Variants in INVS observed in about 807,000 individuals in gnomAD.
INVS encodes inversin.
A neutral mutation model predicts 108.8 loss-of-function variants in INVS; 86 were observed. The ratio of observed to expected loss-of-function variants is 0.79; its 90% CI spans 0.66 to 0.95. The LOEUF (loss-of-function observed/expected upper bound fraction) is 0.95. INVS is among the 40% of genes least tolerant of loss of function. The pLI is 0.00. For synonymous variants in INVS, 455 were observed against 473.5 expected (o/e 0.96, Z 0.51); for missense variants, 1,169 against 1,297.4 (o/e 0.90, Z 1.52).
At chr9:100,261,534 T>G (rs1832622690) in intron 10 of INVS, among the ~76,000 whole-genome samples, 2 of 152,170 alleles carry the variant, frequency 1.3e-5, no homozygotes, top group African/African-American at 4.8e-5. Flanking sequence ...CCCAAAGTGC[T>G]GGGATTACAG....
intron 13 of INVS, among the ~76,000 whole-genome samples, chr9:100,284,948 A>G (rs1588145654): frequency 6.6e-6 from 1 of 152,204 alleles, no homozygotes; most frequent in Admixed American, 6.5e-5. Flanking sequence ...TTTTGTTTCA[A>G]TCATGAAATA....
chr9:100,141,018 T>C (rs894294123), intron 3 of INVS, among the ~76,000 whole-genome samples: 2 of 152,118 alleles, frequency 1.3e-5, no homozygotes, highest in African/African-American at 4.8e-5. Context: ...GAGTGGCAGT[T>C]TGGGGATAGC....
In INVS at chr9:100,138,700, CT is replaced by C. The variant is rs36096327; in HGVS notation, c.273+12169del. On this transcript the variant is annotated intron_variant, in intron 3 of 16. Transcript: ENST00000262457. ...TTAAATTATTTTTATTGATGGTTTC[CT>C]TTTTTTTTTTTTTTTTTCCTTTCAA... 3.4e-3 allele frequency among the ~76,000 whole-genome samples: 423 copies of C among 124,904 alleles called. 1 individual carries two copies. The highest frequency in any genetic ancestry group is 9.4e-3 in the African/African-American group (320 of 34,014). The allele number at this position is 124,904 out of a possible 152,430, so 81.9% of individuals were successfully genotyped here.
intron 3 of INVS, among the ~76,000 whole-genome samples, chr9:100,201,317 T>C (rs1352421096): frequency 1.3e-5 from 2 of 152,208 alleles, no homozygotes; most frequent in Non-Finnish European, 2.9e-5. Flanking sequence ...AAATGAAACA[T>C]TATCTTTATT....
intron 11 of INVS, among the ~76,000 whole-genome samples, chr9:100,267,324 G>C (rs1274023203): frequency 6.6e-6 from 1 of 152,166 alleles, no homozygotes; most frequent in Non-Finnish European, 1.5e-5. Context: ...GATAAAAAGA[G>C]ACAGTGGCAA....
At chr9:100,211,616 G>C (rs1453839410) in intron 3 of INVS, among the ~76,000 whole-genome samples, 1 of 152,176 alleles carries the variant, frequency 6.6e-6, no homozygotes, top group African/African-American at 2.4e-5. Context: ...TTAGTGGATG[G>C]AGCCAAGGCT....
At chr9:100,122,579 T>TG in intron 2 of INVS, among the ~76,000 whole-genome samples, 1 of 124,328 alleles carries the variant, frequency 8.0e-6, no homozygotes, top group Non-Finnish European at 1.7e-5. Flanking sequence ...TGAGTTTCTT[T>TG]TTTTTTTTTT....
chr9:100,100,364 CAG>C (rs1826787627), intron 1 of INVS, among the ~76,000 whole-genome samples: 2 of 151,004 alleles, frequency 1.3e-5, no homozygotes, highest in Non-Finnish European at 1.5e-5. Flanking sequence ...ACGCCCCTGA[CAG>C]AGCCCAAAGA....
At chr9:100,131,910 A>C (rs1828066172) in intron 3 of INVS, 1 of 982,942 alleles carries the variant, frequency 1.0e-6, no homozygotes, top group South Asian at 4.7e-5. Flanking sequence ...ATTTACAAAA[A>C]GGAGAAAGAA....
intron 10 of INVS, 29 bp downstream of exon 10, chr9:100,253,165 T>G (rs753380957): frequency 6.5e-7 from 1 of 1,538,422 alleles, no homozygotes; most frequent in African/African-American, 1.4e-5. Context: ...CTATATTGTT[T>G]GCTCCAAAGA....
Position 100,300,851 on chromosome 9 carries a change from C to T in INVS, c.*177C>T, listed in dbSNP as rs1300862601. ...TCAGAATGTTTCCTTTCTGCTCTTA[C>T]ACAGCATTGTTTTGTCAATCAACAC... On this transcript the variant is annotated 3_prime_UTR_variant, in exon 17 of 17. Coordinates refer to ENST00000262457, the MANE Select transcript of INVS (RefSeq NM_014425.5). The T allele has an allele frequency of 7.8e-6, 5 of 642,926 alleles. No homozygotes were observed. Among genetic ancestry groups the T allele is most frequent in the Non-Finnish European group, 8.4e-6 (3 of 358,186 alleles). 39.8% of individuals were successfully genotyped at this position (642,926 alleles called of 1,614,324 possible).
At chr9:100,162,055 A>C (rs1829208296) in intron 3 of INVS, among the ~76,000 whole-genome samples, 1 of 152,192 alleles carries the variant, frequency 6.6e-6, no homozygotes, top group Non-Finnish European at 1.5e-5. Context: ...GACATGAAGC[A>C]CCATGTAGGC....
At chr9:100,209,314 T>TCATA (rs753364809) in intron 3 of INVS, among the ~76,000 whole-genome samples, 5 of 152,184 alleles carry the variant, frequency 3.3e-5, no homozygotes, top group Non-Finnish European at 5.9e-5. Context: ...AGAATTAGAA[T>TCATA]CATAGAGTCA....
At chr9:100,282,408 G>A (rs1006148447) in intron 12 of INVS, among the ~76,000 whole-genome samples, 1 of 152,166 alleles carries the variant, frequency 6.6e-6, no homozygotes, top group African/African-American at 2.4e-5. Context: ...CATGTTCTCG[G>A]TAATGGGACT....
At chr9:100,136,474 A>C (rs1280798159) in intron 3 of INVS, among the ~76,000 whole-genome samples, 2 of 152,214 alleles carry the variant, frequency 1.3e-5, no homozygotes, top group East Asian at 3.8e-4. Flanking sequence ...AAAAGAAATT[A>C]GTGATAATTC....
intron 10 of INVS, among the ~76,000 whole-genome samples, chr9:100,257,321 T>A (rs1832453562): frequency 6.6e-6 from 1 of 152,172 alleles, no homozygotes; most frequent in African/African-American, 2.4e-5. Flanking sequence ...ATGAGATGGG[T>A]TTCCTGAATA....
At chr9:100,140,666 G>T (rs1332845092) in intron 3 of INVS, among the ~76,000 whole-genome samples, 1 of 152,106 alleles carries the variant, frequency 6.6e-6, no homozygotes, top group African/African-American at 2.4e-5. Context: ...AATTTTGGGG[G>T]ATGGTACGGA....
chr9:100,251,146 G>T (rs1832220882), intron 8 of INVS, among the ~76,000 whole-genome samples: 1 of 152,040 alleles, frequency 6.6e-6, no homozygotes, highest in African/African-American at 2.4e-5. Flanking sequence ...TTTATTGATG[G>T]GGAATTGTTT....
chr9:100,210,228 G>A (rs1348393135), intron 3 of INVS, among the ~76,000 whole-genome samples: 1 of 152,070 alleles, frequency 6.6e-6, no homozygotes, highest in African/African-American at 2.4e-5. Flanking sequence ...TCAAAGGGAG[G>A]GATAGTGTGG....
Sources: gnomAD v4.1 joint callset for allele counts (sites outside exome capture counted in the v4.1 genomes callset) on GRCh38, gnomAD v4.1.1 for gene constraint, MANE v1.5 for transcripts, NCBI Gene and HGNC (gene_info 2026-07-23, HGNC 2026-07-21) for gene names.